Variants in STK32B observed in about 807,000 individuals in gnomAD.
STK32B encodes the protein serine/threonine kinase 32B, also known as serine/threonine-protein kinase 32B.
In STK32B, 43 loss-of-function variants were observed where a neutral mutation model predicts 52.6. The ratio of observed to expected loss-of-function variants is 0.82; its 90% CI spans 0.64 to 1.05. STK32B has a LOEUF of 1.05. Among genes scored for constraint, STK32B ranks in the 50% least tolerant of loss-of-function variants. The pLI, the probability that STK32B is intolerant of heterozygous loss-of-function variation, is 0.00. For synonymous variants in STK32B, 238 were observed against 204.3 expected (o/e 1.17, Z -1.41); for missense variants, 621 against 534.6 (o/e 1.16, Z -1.59).
At chr4:5,231,889 G>A (rs1724297917) in intron 3 of STK32B, among the ~76,000 whole-genome samples, 1 of 152,188 alleles carries the variant, frequency 6.6e-6, no homozygotes, top group South Asian at 2.1e-4. Context: ...GATTAGCAGA[G>A]CCTTGTGCTG....
chr4:5,057,513 T>G (rs947879286), intron 1 of STK32B, among the ~76,000 whole-genome samples: 1 of 152,224 alleles, frequency 6.6e-6, no homozygotes, highest in Admixed American at 6.5e-5. Context: ...TTTTCCCTGC[T>G]TCTTTCTAGG....
intron 3 of STK32B, among the ~76,000 whole-genome samples, chr4:5,297,635 G>GT (rs200463444): frequency 0.012 from 1,545 of 126,924 alleles, 10 homozygotes; most frequent in African/African-American, 0.021. Context: ...GGTCATTTAT[G>GT]TTTTTTTTTT....
intron 6 of STK32B, among the ~76,000 whole-genome samples, chr4:5,431,474 T>G (rs1713574873): frequency 6.6e-6 from 1 of 151,550 alleles, no homozygotes; most frequent in Non-Finnish European, 1.5e-5. Context: ...TGCTTCCAGT[T>G]AGAACATCAT....
At chr4:5,420,889 T>TTTTTG (rs768338488) in intron 6 of STK32B, among the ~76,000 whole-genome samples, 12 of 151,496 alleles carry the variant, frequency 7.9e-5, no homozygotes, top group African/African-American at 1.9e-4. Flanking sequence ...CGAGACAGTT[T>TTTTTG]TTTTGTTTTG....
At chr4:5,310,842 T>A (rs1403224271) in intron 3 of STK32B, among the ~76,000 whole-genome samples, 2 of 152,194 alleles carry the variant, frequency 1.3e-5, no homozygotes, top group African/African-American at 4.8e-5. Context: ...ATGTACATGA[T>A]AGAGTACTAT....
intron 1 of STK32B, among the ~76,000 whole-genome samples, chr4:5,130,726 G>C (rs952829773): frequency 6.6e-6 from 1 of 152,108 alleles, no homozygotes; most frequent in Non-Finnish European, 1.5e-5. Flanking sequence ...GCTGAGGCCT[G>C]ACCCATTCCT....
intron 4 of STK32B, among the ~76,000 whole-genome samples, chr4:5,387,593 G>T (rs997734571): frequency 3.9e-4 from 59 of 152,288 alleles, no homozygotes; most frequent in African/African-American, 1.3e-3. Context: ...AGCCGTGCAT[G>T]CAGACACAGG....
chr4:5,465,596 T>C (rs1219175540), intron 9 of STK32B, among the ~76,000 whole-genome samples: 1 of 152,120 alleles, frequency 6.6e-6, no homozygotes, highest in Non-Finnish European at 1.5e-5. Context: ...TGGTCAGGCA[T>C]CCACCGTTCT....
At chr4:5,387,925 G>C (rs566455037) in intron 4 of STK32B, among the ~76,000 whole-genome samples, 43 of 152,168 alleles carry the variant, frequency 2.8e-4, no homozygotes, top group Admixed American at 1.3e-3. Flanking sequence ...TGTATTTTTA[G>C]TAAAGACGGG....
intron 1 of STK32B, among the ~76,000 whole-genome samples, chr4:5,095,682 T>A (rs754587706): frequency 2.6e-5 from 4 of 152,240 alleles, no homozygotes; most frequent in Non-Finnish European, 5.9e-5. Context: ...TCTTCTGGGT[T>A]CCAGACCTTA....
chr4:5,419,856 A>G (rs1448934674), intron 6 of STK32B, among the ~76,000 whole-genome samples: 1 of 152,200 alleles, frequency 6.6e-6, no homozygotes, highest in Non-Finnish European at 1.5e-5. Flanking sequence ...CATGTCATTA[A>G]TCTTTGATTT....
At chr4:5,320,095 A>G (rs370017220) in intron 3 of STK32B, among the ~76,000 whole-genome samples, 4 of 152,080 alleles carry the variant, frequency 2.6e-5, no homozygotes, top group Admixed American at 1.3e-4. Flanking sequence ...TCTCCACTCT[A>G]CCTAGACGTC....
intron 3 of STK32B, among the ~76,000 whole-genome samples, chr4:5,319,774 C>T (rs983597023): frequency 1.3e-5 from 2 of 152,050 alleles, no homozygotes; most frequent in African/African-American, 4.8e-5. Flanking sequence ...TCTCAGAATC[C>T]CTGGGAGGCA....
chr4:5,290,599 ATTAC>A (rs373893463), intron 3 of STK32B, among the ~76,000 whole-genome samples: 1 of 151,550 alleles, frequency 6.6e-6, no homozygotes, highest in African/African-American at 2.4e-5. Context: ...CATTTTTTTA[ATTAC>A]TTAATTTTTT....
chr4:5,376,088 C>T (rs1460025987), intron 4 of STK32B, among the ~76,000 whole-genome samples: 1 of 152,150 alleles, frequency 6.6e-6, no homozygotes, highest in Non-Finnish European at 1.5e-5. Flanking sequence ...TCAGTGGTCC[C>T]CTCCCCTTCT....
In STK32B at chr4:5,280,760, A is replaced by C. The variant is rs543613051; in HGVS notation, c.261-50460A>C. Among the ~76,000 whole-genome samples the C allele has an allele frequency of 9.0e-4, 137 of 152,134 alleles. 1 individual carries two copies. The highest frequency in any genetic ancestry group is 3.2e-3 in the African/African-American group (131 of 41,508). Reference sequence around the variant, plus strand: ...AAACACACAAAAAAATTAGCCAGGCATGGTGGTGGGTGCCTGTAATCCCAG... The same window carrying C: ...AAACACACAAAAAAATTAGCCAGGCCTGGTGGTGGGTGCCTGTAATCCCAG... On this transcript the variant is annotated intron_variant, in intron 3 of 11. Transcript: ENST00000282908.
intron 4 of STK32B, among the ~76,000 whole-genome samples, chr4:5,357,896 G>T (rs1171445902): frequency 6.6e-6 from 1 of 152,012 alleles, no homozygotes; most frequent in Non-Finnish European, 1.5e-5. Context: ...AACGACTTAA[G>T]CAGTACTCTT....
chr4:5,234,451 T>G (rs1020001727), intron 3 of STK32B, among the ~76,000 whole-genome samples: 9 of 152,232 alleles, frequency 5.9e-5, no homozygotes, highest in African/African-American at 1.4e-4. Flanking sequence ...GGATGGAGAC[T>G]TGTCTCTCTT....
intron 2 of STK32B, among the ~76,000 whole-genome samples, chr4:5,142,295 T>C (rs1342436656): frequency 6.6e-6 from 1 of 152,188 alleles, no homozygotes; most frequent in Non-Finnish European, 1.5e-5. Flanking sequence ...CCCTGGGGAG[T>C]ATTTTCTGAT....
Sources: gnomAD v4.1 joint callset for allele counts (sites outside exome capture counted in the v4.1 genomes callset) on GRCh38, gnomAD v4.1.1 for gene constraint, MANE v1.5 for transcripts, NCBI Gene and HGNC (gene_info 2026-07-23, HGNC 2026-07-21) for gene names.